COL23A1: variants seen among roughly 807,000 people sequenced by gnomAD.
The protein encoded by COL23A1 is collagen alpha-1(XXIII) chain.
Under a neutral mutation model 99.3 loss-of-function variants are expected in COL23A1, and 97 were observed. That is an observed-to-expected ratio of 0.98 (90% CI 0.83 to 1.16). The LOEUF (loss-of-function observed/expected upper bound fraction) is 1.16. COL23A1 is among the 50% of genes most tolerant of loss of function. The probability of loss-of-function intolerance (pLI) is 0.00; values close to 1 mark genes in which losing one functional copy is unlikely to be tolerated. For missense variants in COL23A1, 762 were observed against 757.4 expected, an observed-to-expected ratio of 1.01 and a Z score of -0.07; for synonymous variants, 320 against 308.2, an observed-to-expected ratio of 1.04 and a Z score of -0.40.
chr5:178,377,800 T>TA (rs768204968), intron 2 of COL23A1: 7 of 152,520 alleles, frequency 4.6e-5, no homozygotes, highest in Non-Finnish European at 1.0e-4. Context: ...GAAGGCGCTT[T>TA]AGGGGCTGGT....
In COL23A1 at chr5:178,280,224, G is replaced by A. The variant is rs147333738; in HGVS notation, c.441+8100C>T. ...CTCCCGCCCTCGGGCCACAGCCTGG[G>A]CGATCAGCCAGGACGCTGGCCATTG... On this transcript the variant is annotated intron_variant, in intron 5 of 28. Coordinates refer to ENST00000390654, the MANE Select transcript of COL23A1 (RefSeq NM_173465.4). This position sits in a 1 kb window ranked among gnomAD's most constrained non-coding sequence, Gnocchi z 4.9. 2.7e-3 allele frequency among the ~76,000 whole-genome samples: 418 copies of A among 152,370 alleles called. 1 individual carries two copies. Among genetic ancestry groups the A allele is most frequent in the African/African-American group, 9.5e-3 (394 of 41,594 alleles).
chr5:178,397,741 C>T (rs2127759876), intron 2 of COL23A1, among the ~76,000 whole-genome samples: 1 of 152,312 alleles, frequency 6.6e-6, no homozygotes, highest in South Asian at 2.1e-4. Flanking sequence ...GTAATCCCAG[C>T]ACTTTGGGAG....
At chr5:178,346,861 C>G (rs973236845) in intron 2 of COL23A1, among the ~76,000 whole-genome samples, 4 of 152,252 alleles carry the variant, frequency 2.6e-5, no homozygotes, top group African/African-American at 9.6e-5. Context: ...CAGCCTCACA[C>G]TGGGCTGATA....
intron 2 of COL23A1, among the ~76,000 whole-genome samples, chr5:178,437,632 C>T (rs1048141795): frequency 6.6e-6 from 1 of 152,206 alleles, no homozygotes; most frequent in African/African-American, 2.4e-5. Flanking sequence ...CCACTGAGTT[C>T]TCAGGGCCCA....
chr5:178,358,000 A>ATATG (rs746505969), intron 2 of COL23A1, among the ~76,000 whole-genome samples: 1 of 113,436 alleles, frequency 8.8e-6, no homozygotes, highest in South Asian at 2.9e-4. Context: ...GCGTGTGTGT[A>ATATG]TATGTATGTG....
At position 178,425,189 on chromosome 5, in the gene COL23A1, G is replaced by C. The variant is rs577092927; in HGVS notation, c.362-118270C>G. ...TGTAATCCCAGCACTTTGGGAGGCT[G>C]AGGCAGGCAGATCACCTGAGGTCAG... is the stretch of plus-strand genomic sequence containing the variant. On this transcript the variant is annotated intron_variant, in intron 2 of 28. Transcript: ENST00000390654. Among the ~76,000 whole-genome samples the C allele has an allele frequency of 4.0e-4, 61 of 152,292 alleles. No individual in the cohort carries two copies. The South Asian group carries it at 6.0e-3, about 15-fold the overall frequency.
chr5:178,514,205 T>C (rs917001274), intron 2 of COL23A1, among the ~76,000 whole-genome samples: 1 of 152,222 alleles, frequency 6.6e-6, no homozygotes, highest in African/African-American at 2.4e-5. Flanking sequence ...CATGATGTCC[T>C]CAAGGTCCAT....
At chr5:178,352,952 G>T (rs912587989) in intron 2 of COL23A1, among the ~76,000 whole-genome samples, 1 of 152,212 alleles carries the variant, frequency 6.6e-6, no homozygotes, top group Non-Finnish European at 1.5e-5. Flanking sequence ...CCATTGAAAG[G>T]GGAAAATATA....
intron 1 of COL23A1, among the ~76,000 whole-genome samples, chr5:178,576,597 T>G (rs2113689369): frequency 6.6e-6 from 1 of 152,232 alleles, no homozygotes; most frequent in South Asian, 2.1e-4. Flanking sequence ...TTCACCATGC[T>G]GGGCTGGCGC....
At chr5:178,424,615 T>C (rs72648834) in intron 2 of COL23A1, among the ~76,000 whole-genome samples, 10,028 of 152,256 alleles carry the variant, frequency 0.066, 1,025 homozygotes, top group East Asian at 0.49. Flanking sequence ...GCAGTTGTAG[T>C]CATTCGCGGT....
rs181973810 is a variant in COL23A1, at chr5:178,437,799, G to A, written c.361+122883C>T. ...CCAATGTTCATCAGCCAAGATGCGG[G>A]AGTCAAGAAGCAAACCCAGTCCTGG... is the stretch of plus-strand genomic sequence containing the variant. On this transcript the variant is annotated intron_variant, in intron 2 of 28. Transcript: ENST00000390654. Among the ~76,000 whole-genome samples the A allele has an allele frequency of 1.7e-3, 252 of 152,296 alleles. 2 individuals carry two copies. The highest frequency in any genetic ancestry group is 6.8e-3 in the Middle Eastern group (2 of 294).
intron 2 of COL23A1, among the ~76,000 whole-genome samples, chr5:178,368,278 A>C (rs145604369): frequency 2.0e-4 from 30 of 152,334 alleles, no homozygotes; most frequent in African/African-American, 6.7e-4. Context: ...TAGTGTTTCT[A>C]AAGAAGACTT....
Position 178,242,389 on chromosome 5 carries a change from G to A in COL23A1, c.1446C>T (p.Phe482=), listed in dbSNP as rs755405467. ...GRPGEPGLDG[F]PGPRGEKGDR... ...CACCTTTCTCTCCTCGGGGTCCAGG[G>A]AAACCCTGACAAAAGGATTAGATGC... Residue 482 remains phenylalanine, a synonymous_variant, in exon 26 of 29, where the codon TTC becomes TTT. Coordinates refer to ENST00000390654, the MANE Select transcript of COL23A1 (RefSeq NM_173465.4). 1 of 1,614,086 alleles carries A rather than the reference G, an allele frequency of 6.2e-7. No homozygotes were observed. The highest frequency in any genetic ancestry group is 1.1e-5 in the South Asian group (1 of 91,070).
chr5:178,345,205 C>T (rs1045666618), intron 2 of COL23A1: 31 of 852,906 alleles, frequency 3.6e-5, no homozygotes, highest in Non-Finnish European at 4.3e-5. Flanking sequence ...ACCAGATGTG[C>T]GGGGTTAGAG....
chr5:178,543,051 T>C (rs1479810899), intron 2 of COL23A1, among the ~76,000 whole-genome samples: 3 of 151,304 alleles, frequency 2.0e-5, no homozygotes, highest in Non-Finnish European at 2.9e-5. Flanking sequence ...CTTTTAACTG[T>C]GGAGCTGTGT....
At chr5:178,311,578 G>T (rs907306094) in intron 2 of COL23A1, among the ~76,000 whole-genome samples, 5 of 152,080 alleles carry the variant, frequency 3.3e-5, no homozygotes, top group Admixed American at 6.5e-5. Context: ...GTGTGTGTGT[G>T]TCAGGGTCTC....
At chr5:178,324,561 C>A (rs773968154) in intron 2 of COL23A1, among the ~76,000 whole-genome samples, 5 of 152,106 alleles carry the variant, frequency 3.3e-5, no homozygotes, top group South Asian at 2.1e-4. Context: ...CAAGTCGCTC[C>A]GTTGCTTTTC....
intron 25 of COL23A1, among the ~76,000 whole-genome samples, 199 bp from the exon 26 acceptor site, chr5:178,242,593 G>A (rs1238635989): frequency 6.6e-6 from 1 of 152,214 alleles, no homozygotes; most frequent in Non-Finnish European, 1.5e-5. Context: ...CATTTACGAT[G>A]CCAGCTGGGC....
chr5:178,377,980 G>A (rs1763170929), intron 2 of COL23A1: 2 of 152,344 alleles, frequency 1.3e-5, no homozygotes, highest in Non-Finnish European at 2.9e-5. Flanking sequence ...TGAGGCAGGA[G>A]GATCGGTGAG....
Sources: gnomAD v4.1 joint callset for allele counts (sites outside exome capture counted in the v4.1 genomes callset) on GRCh38, gnomAD v4.1.1 for gene constraint, Gnocchi (gnomAD v3.1) non-coding constraint, MANE v1.5 for transcripts, NCBI Gene and HGNC (gene_info 2026-07-23, HGNC 2026-07-21) for gene names.